FSTL4: variants seen among roughly 807,000 people sequenced by gnomAD.
FSTL4 encodes the protein follistatin-related protein 4.
A neutral mutation model predicts 78.2 loss-of-function variants in FSTL4; 28 were observed. The ratio of observed to expected loss-of-function variants is 0.36; its 90% CI spans 0.27 to 0.49. FSTL4 has a LOEUF of 0.49. FSTL4 is among the 20% of genes least tolerant of loss of function. The pLI is 0.98. For missense variants in FSTL4, 922 were observed against 1,084.9 expected (o/e 0.85, Z 2.11); for synonymous variants, 422 against 440.5 (o/e 0.96, Z 0.53).
the FSTL4 span, among the ~76,000 whole-genome samples, chr5:133,744,187 T>C: frequency 6.6e-6 from 1 of 152,222 alleles, no homozygotes; most frequent in African/African-American, 2.4e-5. Flanking sequence ...CAAAGATTCA[T>C]AACCATCATG....
intron 3 of FSTL4, among the ~76,000 whole-genome samples, chr5:133,483,471 G>A (rs181506754): frequency 6.6e-6 from 1 of 152,190 alleles, no homozygotes; most frequent in African/African-American, 2.4e-5. Context: ...GCTGGCTGGG[G>A]CTCTGACTGG....
intron 6 of FSTL4, among the ~76,000 whole-genome samples, chr5:133,283,570 C>A (rs994629949): frequency 6.6e-6 from 1 of 152,164 alleles, no homozygotes; most frequent in Non-Finnish European, 1.5e-5. Context: ...CCTGGGGCAG[C>A]AGATCCCCAG....
rs1270226237 is a variant in FSTL4, at chr5:133,338,568, T to C, written c.410-21916A>G. On this transcript the variant is annotated intron_variant, in intron 4 of 15. Coordinates refer to ENST00000265342, the MANE Select transcript of FSTL4 (RefSeq NM_015082.2). This position sits in a 1 kb window ranked among gnomAD's most constrained non-coding sequence, Gnocchi z 4.0. ...AATCGAGGCTGGTGCAGGGGAAGCTTGGAGCGGTGTCTACTCACTATCCAG... is the reference window on the plus strand; with the variant it reads ...AATCGAGGCTGGTGCAGGGGAAGCTCGGAGCGGTGTCTACTCACTATCCAG... Among the ~76,000 whole-genome samples, 2 of 152,070 alleles carry C rather than the reference T, an allele frequency of 1.3e-5. No homozygotes were observed.
rs1026638379 is a variant in FSTL4 at position 133,426,513 on chromosome 5, C to A, written c.161-25527G>T. On this transcript the variant is annotated intron_variant, in intron 3 of 15. Coordinates refer to ENST00000265342, the MANE Select transcript of FSTL4 (RefSeq NM_015082.2). This position sits in a 1 kb window ranked among gnomAD's most constrained non-coding sequence, Gnocchi z 5.0. ...TTAGGAAGAGACTAACAATTCTGATCCCTCATAACGGAGCTCTCATGGCCA... is the reference window on the plus strand; with the variant it reads ...TTAGGAAGAGACTAACAATTCTGATACCTCATAACGGAGCTCTCATGGCCA... 6.6e-6 allele frequency among the ~76,000 whole-genome samples: 1 copy of A among 152,124 alleles called. No individual in the cohort carries two copies. The highest frequency in any genetic ancestry group is 1.5e-5 in the Non-Finnish European group (1 of 68,036).
intron 4 of FSTL4, among the ~76,000 whole-genome samples, chr5:133,394,134 C>T (rs1459213868): frequency 6.6e-6 from 1 of 152,268 alleles, no homozygotes; most frequent in African/African-American, 2.4e-5. Flanking sequence ...CTGGGCTTCA[C>T]GGTCCCTCTT....
At position 133,516,486 on chromosome 5, in the gene FSTL4, T is replaced by C. The variant is rs553965924; in HGVS notation, c.160+50700A>G. 3.1e-3 allele frequency among the ~76,000 whole-genome samples: 474 copies of C among 152,264 alleles called. 3 individuals carry two copies. The highest frequency in any genetic ancestry group is 4.2e-3 in the Non-Finnish European group (285 of 68,010). The stretch of plus-strand genomic sequence containing the variant: ...CTATGAAGAAAATGACAGAAATTTA[T>C]TGAGAAAAACAGGAGGGTTGAGTAA... On this transcript the variant is annotated intron_variant, in intron 3 of 15. Transcript: ENST00000265342.
the FSTL4 span, among the ~76,000 whole-genome samples, chr5:133,722,106 C>T: frequency 1.3e-5 from 2 of 152,076 alleles, no homozygotes; most frequent in African/African-American, 4.8e-5. Context: ...CAGACCAGTA[C>T]CAGTCCATGG....
chr5:133,668,932 T>C, the FSTL4 span, among the ~76,000 whole-genome samples: 1 of 152,174 alleles, frequency 6.6e-6, no homozygotes, highest in Non-Finnish European at 1.5e-5. Context: ...TTTCATTCAC[T>C]CTTATGAAGT....
chr5:133,210,105 C>T lies in FSTL4; in HGVS notation c.1716+86G>A, dbSNP rs1055135044. 5.3e-5 allele frequency: 39 copies of T among 733,034 alleles called. No homozygotes were observed. In the Admixed American group the frequency reaches 5.9e-4, roughly 11 times the overall value. 45.4% of individuals were successfully genotyped at this position (733,034 alleles called of 1,614,324 possible). A position where few individuals can be genotyped will look rare whatever the true frequency, so the allele number is the denominator to read the frequency against. ...TTTTGGATAAATGTAATTAGCTACC[C>T]GGGGAAGCAGGAGATACTTATTTTA... is the stretch of plus-strand genomic sequence containing the variant. On this transcript the variant is annotated intron_variant, in intron 14 of 15. Coordinates refer to ENST00000265342, the MANE Select transcript of FSTL4 (RefSeq NM_015082.2).
the FSTL4 span, among the ~76,000 whole-genome samples, chr5:133,777,591 TG>T: frequency 6.6e-6 from 1 of 152,258 alleles, no homozygotes; most frequent in African/African-American, 2.4e-5. Flanking sequence ...TTGATTTGTC[TG>T]GTTTCTTATG....
At chr5:133,410,502 A>G (rs926311938) in intron 3 of FSTL4, among the ~76,000 whole-genome samples, 6 of 152,064 alleles carry the variant, frequency 3.9e-5, no homozygotes, top group African/African-American at 4.8e-5. Flanking sequence ...GCTGCCTCCA[A>G]TTATTTCAAG....
At chr5:133,692,822 C>T in the FSTL4 span, among the ~76,000 whole-genome samples, 1 of 152,212 alleles carries the variant, frequency 6.6e-6, no homozygotes, top group Non-Finnish European at 1.5e-5. Context: ...ACTCAACCTT[C>T]ACAGCCCAAC....
intron 3 of FSTL4, among the ~76,000 whole-genome samples, chr5:133,419,739 G>C (rs1756653124): frequency 1.3e-5 from 2 of 152,160 alleles, no homozygotes; most frequent in Non-Finnish European, 2.9e-5. Flanking sequence ...GGTTCTCCCA[G>C]ATCCTTGCCA....
chr5:133,495,529 T>C (rs1211050233), intron 3 of FSTL4, among the ~76,000 whole-genome samples: 2 of 152,238 alleles, frequency 1.3e-5, no homozygotes, highest in African/African-American at 4.8e-5. Flanking sequence ...ATATTTTGGA[T>C]GGAGTTCCTG....
At position 133,426,666 on chromosome 5, in the gene FSTL4, AT is replaced by A. The variant is rs1437864926; in HGVS notation, c.161-25681del. Among the ~76,000 whole-genome samples the A allele has an allele frequency of 6.6e-6, 1 of 152,080 alleles. No homozygotes were observed. Among genetic ancestry groups the A allele is most frequent in the Admixed American group, 6.5e-5 (1 of 15,276 alleles). On this transcript the variant is annotated intron_variant, in intron 3 of 15. Coordinates refer to ENST00000265342, the MANE Select transcript of FSTL4 (RefSeq NM_015082.2). The surrounding 1 kb of genome is among the most constrained non-coding windows in gnomAD (Gnocchi z 5.0). ...GGCAAAAGTAGTAGAAGCGGTGGCA[AT>A]GGGGGCTATGGAGGAGCAATCTCTG...
chr5:133,830,776 G>A, the FSTL4 span, among the ~76,000 whole-genome samples: 21 of 152,234 alleles, frequency 1.4e-4, no homozygotes, highest in Admixed American at 3.9e-4. Flanking sequence ...CCCAGACTCC[G>A]CGGCACAGCC....
chr5:133,326,713 C>T (rs1040971642), intron 4 of FSTL4, among the ~76,000 whole-genome samples: 27 of 152,382 alleles, frequency 1.8e-4, no homozygotes, highest in African/African-American at 6.5e-4. Flanking sequence ...AAACCACACA[C>T]TCTGGACCTT....
chr5:133,281,173 C>A (rs1753001364), intron 6 of FSTL4, among the ~76,000 whole-genome samples: 1 of 152,142 alleles, frequency 6.6e-6, no homozygotes, highest in Admixed American at 6.5e-5. Context: ...CTCCTTGGAG[C>A]CCTGAGCCAG....
At chr5:133,841,868 C>T in the FSTL4 span, among the ~76,000 whole-genome samples, 1 of 152,230 alleles carries the variant, frequency 6.6e-6, no homozygotes, top group East Asian at 1.9e-4. Flanking sequence ...ACTCCTGAGT[C>T]CTTGAGAGAG....
Sources: allele counts gnomAD v4.1 joint callset (sites outside exome capture counted in the v4.1 genomes callset), GRCh38; gene constraint gnomAD v4.1.1; non-coding constraint Gnocchi (gnomAD v3.1); transcripts MANE v1.5; gene names NCBI Gene and HGNC (gene_info 2026-07-23, HGNC 2026-07-21).